Variants in EIF4ENIF1 observed in about 807,000 individuals in gnomAD.
The protein encoded by EIF4ENIF1 is eukaryotic translation initiation factor 4E transporter.
EIF4ENIF1 carries 23 observed loss-of-function variants against 110.5 expected under a neutral mutation model. The ratio of observed to expected loss-of-function variants is 0.21; its 90% CI spans 0.15 to 0.29. The LOEUF is 0.29. Among genes scored for constraint, EIF4ENIF1 ranks in the 10% least tolerant of loss-of-function variants. The pLI is 1.00. For synonymous variants in EIF4ENIF1, 440 were observed against 437.0 expected (o/e 1.01, Z -0.09); for missense variants, 1,031 against 1,221.1 (o/e 0.84, Z 2.32).
chr22:31,451,661 T>C (rs5753621), intron 10 of EIF4ENIF1, among the ~76,000 whole-genome samples: 34,296 of 151,306 alleles, frequency 0.23, 5,025 homozygotes, highest in East Asian at 0.46. Context: ...GCAGTAGTGG[T>C]TACTTTTTTT....
chr22:31,487,431 C>T (rs139185200), intron 2 of EIF4ENIF1, among the ~76,000 whole-genome samples: 31 of 152,262 alleles, frequency 2.0e-4, no homozygotes, highest in African/African-American at 6.7e-4. Context: ...CACCAGAACA[C>T]AAACAAGAGC....
intron 4 of EIF4ENIF1, 46 bp from the exon 5 acceptor site, chr22:31,464,013 G>A: frequency 6.4e-7 from 1 of 1,569,768 alleles, no homozygotes; most frequent in South Asian, 1.2e-5. Context: ...CAACAAGGGT[G>A]TTTTCTTCTT....
rs372899270 is a variant in EIF4ENIF1, at chr22:31,442,109, A to G, written c.2216T>C (p.Leu739Pro). The change falls in exon 17 of 19, where the codon CTG becomes CCG. Residue 739 changes from leucine (L) to proline (P), a missense_variant. This residue lies in a region of EIF4ENIF1 where 309 missense variants were observed against 299.1 expected (regional missense o/e 1.03). Coordinates refer to ENST00000330125, the MANE Select transcript of EIF4ENIF1 (RefSeq NM_019843.4). ...DTQKASEENL[L>P]SSSSVPSADR... is the part of the protein sequence containing the mutation. ...GGCACTGGGTACAGAGCTGGATGAC[A>G]GGAGGTTTTCTGTGAGGAACCAAAC... The G allele has an allele frequency of 3.1e-6, 5 of 1,601,870 alleles. No individual in the cohort carries two copies. Among genetic ancestry groups the G allele is most frequent in the South Asian group, 1.1e-5 (1 of 90,178 alleles).
chr22:31,463,552 C>T (rs2051067635), intron 5 of EIF4ENIF1, 129 bp downstream of exon 5: 7 of 895,124 alleles, frequency 7.8e-6, no homozygotes, highest in Admixed American at 3.0e-5. Context: ...TATGGTGGTG[C>T]GTGCCTATAA....
At chr22:31,484,894 A>C (rs773768910) in intron 2 of EIF4ENIF1, among the ~76,000 whole-genome samples, 1 of 152,214 alleles carries the variant, frequency 6.6e-6, no homozygotes, top group Non-Finnish European at 1.5e-5. Flanking sequence ...CGTGAACTTG[A>C]AGTGGCAGAA....
At chr22:31,463,447 G>C (rs1160294322) in intron 5 of EIF4ENIF1, among the ~76,000 whole-genome samples, 2 of 152,058 alleles carry the variant, frequency 1.3e-5, no homozygotes, top group African/African-American at 4.8e-5. Flanking sequence ...GGGAGGCCGA[G>C]GCAGGCCGAT....
At chr22:31,446,306 AGTACTGTG>A (rs2050475051) in intron 14 of EIF4ENIF1, among the ~76,000 whole-genome samples, 2 of 151,136 alleles carry the variant, frequency 1.3e-5, no homozygotes, top group Non-Finnish European at 2.9e-5. Context: ...AAAAGTTAAA[AGTACTGTG>A]AAAGTCACAA....
Position 31,439,922 on chromosome 22 carries a change from G to C in EIF4ENIF1, c.2916C>G (p.Pro972=). 6.2e-7 allele frequency: 1 copy of C among 1,614,050 alleles called. No individual in the cohort carries two copies. Among genetic ancestry groups the C allele is most frequent in the Non-Finnish European group, 8.5e-7 (1 of 1,180,018 alleles). Residue 972 remains proline (P), a synonymous_variant, in exon 19 of 19, where the codon CCC becomes CCG. Transcript: ENST00000330125. ...DVLQQPLPSM[P]AKVISVDELE... The stretch of plus-strand genomic sequence containing the variant: ...ATTCATCTACACTGATAACTTTGGC[G>C]GGCATGGAGGGCAGGGGTTGCTGTA...
At chr22:31,483,397 C>T (rs920882907) in intron 2 of EIF4ENIF1, among the ~76,000 whole-genome samples, 5 of 151,652 alleles carry the variant, frequency 3.3e-5, no homozygotes, top group African/African-American at 1.2e-4. Flanking sequence ...GTGACAGGGT[C>T]TTGTCATCCT....
At chr22:31,477,691 G>C (rs1186576784) in intron 2 of EIF4ENIF1, among the ~76,000 whole-genome samples, 1 of 152,152 alleles carries the variant, frequency 6.6e-6, no homozygotes, top group Non-Finnish European at 1.5e-5. Flanking sequence ...AACATTATTT[G>C]TGCCAGGGCG....
chr22:31,459,071 G>A (rs915268813), intron 6 of EIF4ENIF1, among the ~76,000 whole-genome samples: 3 of 151,778 alleles, frequency 2.0e-5, no homozygotes, highest in African/African-American at 7.3e-5. Flanking sequence ...GGGACCACAG[G>A]TGCACACCAC....
intron 9 of EIF4ENIF1, 131 bp downstream of exon 9, chr22:31,455,005 A>T: frequency 1.4e-6 from 1 of 726,806 alleles, no homozygotes; most frequent in South Asian, 3.0e-5. Context: ...GTTTTTAAAA[A>T]AGAACATTAA....
At chr22:31,453,544 TTTA>T in intron 10 of EIF4ENIF1, 1 of 203,400 alleles carries the variant, frequency 4.9e-6, no homozygotes, top group East Asian at 1.4e-4. Context: ...CTGGCTAATT[TTTA>T]TTTTTAGTAG....
rs538108702 is a variant in EIF4ENIF1, at chr22:31,469,300, C to T, written c.171-998G>A. Among the ~76,000 whole-genome samples the T allele has an allele frequency of 3.9e-5, 6 of 152,304 alleles. No individual in the cohort carries two copies. The South Asian group carries it at 1.2e-3, about 32-fold the overall frequency. ...AGATTAGACCAGGCCATGCTATACACTAGCAACGTACTTCACACTTGTCCT... is the reference window on the plus strand; with the variant it reads ...AGATTAGACCAGGCCATGCTATACATTAGCAACGTACTTCACACTTGTCCT... On this transcript the variant is annotated intron_variant, in intron 3 of 18. Coordinates refer to ENST00000330125, the MANE Select transcript of EIF4ENIF1 (RefSeq NM_019843.4).
chr22:31,486,128 GGCGTGGTGGCACAT>G (rs2052012962), intron 2 of EIF4ENIF1, among the ~76,000 whole-genome samples: 2 of 152,032 alleles, frequency 1.3e-5, no homozygotes, highest in African/African-American at 4.8e-5. Context: ...AAATGAGCTG[GGCGTGGTGGCACAT>G]GCCTGTAATC....
upstream of EIF4ENIF1, among the ~76,000 whole-genome samples, chr22:31,492,555 T>G (rs991986132): frequency 6.6e-6 from 1 of 152,174 alleles, no homozygotes; most frequent in African/African-American, 2.4e-5. Context: ...TCTCAAAGTC[T>G]CACTCTGTCC....
intron 2 of EIF4ENIF1, among the ~76,000 whole-genome samples, chr22:31,475,884 G>A (rs1393819453): frequency 2.0e-5 from 3 of 151,708 alleles, no homozygotes; most frequent in Non-Finnish European, 2.9e-5. Context: ...AACACACCAC[G>A]GGAGACTCCA....
intron 8 of EIF4ENIF1, 132 bp from the exon 9 acceptor site, chr22:31,455,447 G>A: frequency 1.3e-6 from 1 of 757,264 alleles, no homozygotes; most frequent in Non-Finnish European, 1.9e-6. Context: ...CGCCCAGGCT[G>A]GAGTGCAGTG....
intron 3 of EIF4ENIF1, 32 bp from the exon 4 acceptor site, chr22:31,468,334 T>TA: frequency 6.2e-7 from 1 of 1,613,884 alleles, no homozygotes. Context: ...TGTTAGCACT[T>TA]ACGCCCATGA....
Sources: allele counts gnomAD v4.1 joint callset (sites outside exome capture counted in the v4.1 genomes callset), GRCh38; gene constraint gnomAD v4.1.1; regional missense constraint gnomAD v4.1.1; transcripts MANE v1.5; gene names NCBI Gene and HGNC (gene_info 2026-07-23, HGNC 2026-07-21).